ENGASE: variants seen among roughly 807,000 people sequenced by gnomAD.
ENGASE encodes the protein cytosolic endo-beta-N-acetylglucosaminidase.
In ENGASE, 69 loss-of-function variants were observed where a neutral mutation model predicts 78.5. The ratio of observed to expected loss-of-function variants is 0.88; its 90% CI spans 0.72 to 1.07. The LOEUF is 1.07. Among genes scored for constraint, ENGASE ranks in the 50% least tolerant of loss-of-function variants. ENGASE has a pLI of 0.00. For missense variants in ENGASE, 943 were observed against 988.4 expected (o/e 0.95, Z 0.62); for synonymous variants, 408 against 408.9 (o/e 1.00, Z 0.03).
chr17:79,081,141 G>A, intron 6 of ENGASE, 68 bp downstream of exon 6: 1 of 1,251,826 alleles, frequency 8.0e-7, no homozygotes, highest in Non-Finnish European at 1.1e-6. Flanking sequence ...TGAGGGGTGG[G>A]TGCCGCAAGG....
intron 13 of ENGASE, 90 bp downstream of exon 13, chr17:79,085,824 G>A: frequency 1.3e-6 from 2 of 1,597,450 alleles, no homozygotes; most frequent in Non-Finnish European, 1.7e-6. Flanking sequence ...CCCTTCTTGG[G>A]TTCAGCGGGG....
rs2073255296 is a variant in ENGASE, at chr17:79,085,112, C to G, written c.1592-122C>G. ...AGTCCTTGCTGGTTGCTTCTTGGGA[C>G]CCGCGAGCGTCTGGCCGAATCAGGC... On this transcript the variant is annotated intron_variant, in intron 11 of 13. Coordinates refer to ENST00000579016, the MANE Select transcript of ENGASE (RefSeq NM_001042573.3). 3.9e-6 allele frequency: 3 copies of G among 778,322 alleles called. No homozygotes were observed. In the African/African-American group the frequency reaches 5.1e-5, roughly 13 times the overall value. 48.2% of individuals were successfully genotyped at this position (778,322 alleles called of 1,614,324 possible).
rs2073194269 is a variant in ENGASE, at chr17:79,083,162, G to T, written c.1142+39G>T. ...TCCTGGGTGCTTAGTGCAGGCTGAT[G>T]GGAGGGAGGGGTTTCTGGTGTCTCT... On this transcript the variant is annotated intron_variant, in intron 8 of 13. Transcript: ENST00000579016. The surrounding 1 kb of genome is among the most constrained non-coding windows in gnomAD (Gnocchi z 4.9). 1 of 1,423,702 alleles carries T rather than the reference G, an allele frequency of 7.0e-7. No homozygotes were observed. Among genetic ancestry groups the T allele is most frequent in the Non-Finnish European group, 9.9e-7 (1 of 1,013,748 alleles). The allele number at this position is 1,423,702 out of a possible 1,614,324, so 88.2% of individuals were successfully genotyped here.
In ENGASE at chr17:79,077,813, G is replaced by C. The variant is rs1445075832; in HGVS notation, c.365G>C (p.Arg122Thr). The C allele has an allele frequency of 6.2e-7, 1 of 1,613,968 alleles. No individual in the cohort carries two copies. Among genetic ancestry groups the C allele is most frequent in the African/African-American group, 1.3e-5 (1 of 74,946 alleles). Residue 122 changes from arginine to threonine, a missense_variant, in exon 3 of 14, where the codon AGG (arginine) becomes ACG (threonine). Coordinates refer to ENST00000579016, the MANE Select transcript of ENGASE (RefSeq NM_001042573.3). ...CGCCAGCCCCCTCTGAGCAGCCAGA[G>C]GCCCCGGACTTTGTTGTGTCATGAC... is the stretch of plus-strand genomic sequence containing the variant. The part of the protein sequence containing the change: ...ACRQPPLSSQ[R>T]PRTLLCHDMM...
At chr17:79,078,426 C>T (rs1599333751) in intron 3 of ENGASE, among the ~76,000 whole-genome samples, 2 of 152,180 alleles carry the variant, frequency 1.3e-5, no homozygotes, top group East Asian at 3.9e-4. Context: ...CTCCTTGAAC[C>T]TCCTCAACTT....
rs531779387 is a variant in ENGASE at position 79,080,174 on chromosome 17, G to A, written c.566-33G>A. On this transcript the variant is annotated intron_variant, in intron 4 of 13. Transcript: ENST00000579016. ...TGTGGGTGGAGGGAAAGTGATTCCC[G>A]TGGCTGACCTTGTTTCTCTCCTATC... 17 of 1,557,484 alleles carry A rather than the reference G, an allele frequency of 1.1e-5. 1 individual carries two copies. The highest frequency in any genetic ancestry group is 2.4e-5 in the South Asian group (2 of 84,786).
intron 10 of ENGASE, 163 bp from the exon 11 acceptor site, chr17:79,084,375 G>A: frequency 1.5e-6 from 1 of 664,312 alleles, no homozygotes; most frequent in Non-Finnish European, 2.5e-6. Flanking sequence ...TCTGGCCTTG[G>A]GGGAGGACTT....
chr17:79,088,419 G>A lies in ENGASE; in HGVS notation c.*2070G>A, dbSNP rs1224604132. On this transcript the variant is annotated 3_prime_UTR_variant, in exon 14 of 14. Coordinates refer to ENST00000579016, the MANE Select transcript of ENGASE (RefSeq NM_001042573.3). Reference sequence around the variant, plus strand: ...TATTTTCTCACAGTCTGGTGAGCAGGCAATTAATTAGGAGTAAGGGGGCCT... The same window carrying A: ...TATTTTCTCACAGTCTGGTGAGCAGACAATTAATTAGGAGTAAGGGGGCCT... The A allele has an allele frequency of 6.6e-6, 1 of 152,202 alleles. No homozygotes were observed. Among genetic ancestry groups the A allele is most frequent in the Non-Finnish European group, 1.5e-5 (1 of 68,034 alleles). The allele number at this position is 152,202 out of a possible 1,614,324, so 9.4% of individuals were successfully genotyped here.
chr17:79,079,547 G>A lies in ENGASE; in HGVS notation c.475G>A (p.Asp159Asn), dbSNP rs748638220. The A allele has an allele frequency of 6.8e-6, 11 of 1,614,070 alleles. No homozygotes were observed. Among genetic ancestry groups the A allele is most frequent in the South Asian group, 5.5e-5 (5 of 91,080 alleles). The change falls in exon 4 of 14, where the codon GAC becomes AAC. Residue 159 changes from aspartate to asparagine, a missense_variant. Transcript: ENST00000579016. ...TGCTTTCTACCACTGGCAGTGCATC[G>A]ACGTCTTTGTGTACTTCAGCCACCA... ...PYAFYHWQCI[D>N]VFVYFSHHTV... is the part of the protein sequence containing the mutation.
chr17:79,079,760 C>T lies in ENGASE; in HGVS notation c.565+123C>T, dbSNP rs746518818. The T allele has an allele frequency of 2.1e-4, 269 of 1,306,600 alleles. 1 individual carries two copies. Among genetic ancestry groups the T allele is most frequent in the Non-Finnish European group, 2.6e-4 (247 of 965,990 alleles). 80.9% of individuals were successfully genotyped at this position (1,306,600 alleles called of 1,614,324 possible). On this transcript the variant is annotated intron_variant, in intron 4 of 13. Coordinates refer to ENST00000579016, the MANE Select transcript of ENGASE (RefSeq NM_001042573.3). The stretch of plus-strand genomic sequence containing the variant: ...GTGCCCAGAGCCCCTCGCTGGGGGC[C>T]GCCTTGGTCGGCTAGGACAGGCAGC...
chr17:79,080,883 T>TAGATAGATAGATAGGTC (rs1464246738), intron 5 of ENGASE, 42 bp from the exon 6 acceptor site: 4 of 1,585,362 alleles, frequency 2.5e-6, no homozygotes, highest in African/African-American at 2.7e-5. Context: ...GATAGATAGA[T>TAGATAGATAGATAGGTC]CTGGGGCTCA....
chr17:79,085,963 C>T lies in ENGASE; in HGVS notation c.1846C>T (p.Leu616=). ...GGACGCTGCCAGCCTGCTGGCCCCT[C>T]TGCCCCAGGTGCAGGCCGTCACCAT... ...VVDAASLLAP[L]PQVQAVTISH... The change falls in exon 14 of 14, where the codon CTG becomes TTG. Residue 616 remains leucine, a synonymous_variant. Coordinates refer to ENST00000579016, the MANE Select transcript of ENGASE (RefSeq NM_001042573.3). 1.9e-6 allele frequency: 3 copies of T among 1,604,180 alleles called. No individual in the cohort carries two copies. Among genetic ancestry groups the T allele is most frequent in the South Asian group, 1.1e-5 (1 of 90,922 alleles).
chr17:79,081,128 C>G, intron 6 of ENGASE, 55 bp downstream of exon 6: 1 of 330,052 alleles, frequency 3.0e-6, no homozygotes. Flanking sequence ...GGGGCGGGTA[C>G]TGTGAGGGGT....
At position 79,074,999 on chromosome 17, in the gene ENGASE, C is replaced by T; in HGVS notation, c.55C>T (p.Gln19Ter). Residue 19 changes from glutamine (Q) to a stop codon, truncating the protein, a stop_gained, in exon 1 of 14, where the codon CAG becomes TAG. Transcript: ENST00000579016. LOFTEE classifies it high-confidence loss of function. ...GTCGGCTACACGGCGGCGGCGGCGGCAGCTGCAGGGGCTGGCGGCCCCGGA... is the reference window on the plus strand; with the variant it reads ...GTCGGCTACACGGCGGCGGCGGCGGTAGCTGCAGGGGCTGGCGGCCCCGGA... ...TRSATRRRRR[Q>*]LQGLAAPEAG... is the part of the protein sequence containing the mutation. 2 of 1,221,366 alleles carry T rather than the reference C, an allele frequency of 1.6e-6. No homozygotes were observed. Among genetic ancestry groups the T allele is most frequent in the Non-Finnish European group, 2.0e-6 (2 of 979,600 alleles). The allele number at this position is 1,221,366 out of a possible 1,614,324, so 75.7% of individuals were successfully genotyped here.
intron 6 of ENGASE, 96 bp from the exon 7 acceptor site, chr17:79,081,802 A>T (rs2073146521): frequency 2.1e-6 from 3 of 1,443,758 alleles, no homozygotes; most frequent in Non-Finnish European, 2.8e-6. Context: ...CATCCCTCTG[A>T]GTACTAGGAG....
Position 79,086,348 on chromosome 17 carries a change from G to A in ENGASE, c.2231G>A (p.Ter744=), listed in dbSNP as rs1402883701. The A allele has an allele frequency of 6.2e-7, 1 of 1,607,978 alleles. No homozygotes were observed. The highest frequency in any genetic ancestry group is 8.5e-7 in the Non-Finnish European group (1 of 1,176,352). ...GTTCTGCTTTATTCAGCCCCTGCAT[G>A]AGCGGATGCTAAGGCCGGGTGGTCT... ...RAVLLYSAPA[*] Residue 744 remains the stop codon, a stop_retained_variant, in exon 14 of 14, where the codon TGA becomes TAA. Coordinates refer to ENST00000579016, the MANE Select transcript of ENGASE (RefSeq NM_001042573.3).
In ENGASE at chr17:79,086,637, AAGG is replaced by A; in HGVS notation, c.*292_*294del. ...GTACCTGGTTCCCAGGTGAAAATGA[AAGG>A]AGGGGAGAAGTTGAGAACAGAACAT... On this transcript the variant is annotated 3_prime_UTR_variant, in exon 14 of 14. Coordinates refer to ENST00000579016, the MANE Select transcript of ENGASE (RefSeq NM_001042573.3). The A allele has an allele frequency of 1.9e-6, 1 of 524,276 alleles. No individual in the cohort carries two copies. The allele number at this position is 524,276 out of a possible 1,614,324, so 32.5% of individuals were successfully genotyped here. A position where few individuals can be genotyped will look rare whatever the true frequency, so the allele number is the denominator to read the frequency against.
chr17:79,084,723 G>A, intron 11 of ENGASE, 37 bp downstream of exon 11: 1 of 1,604,268 alleles, frequency 6.2e-7, no homozygotes, highest in Non-Finnish European at 8.5e-7. Flanking sequence ...TCTGCCCAGG[G>A]CGGAGAGCTC....
chr17:79,082,989 A>T (rs1336502348), intron 7 of ENGASE, 31 bp from the exon 8 acceptor site: 1 of 1,608,738 alleles, frequency 6.2e-7, no homozygotes, highest in Non-Finnish European at 8.5e-7. Flanking sequence ...TCTGGTCCTG[A>T]TGTGCCCAGC....
Sources: allele counts gnomAD v4.1 joint callset (sites outside exome capture counted in the v4.1 genomes callset), GRCh38; gene constraint gnomAD v4.1.1; non-coding constraint Gnocchi (gnomAD v3.1); transcripts MANE v1.5; gene names NCBI Gene and HGNC (gene_info 2026-07-23, HGNC 2026-07-21).